PDE7B: variants seen among roughly 807,000 people sequenced by gnomAD.
The protein encoded by PDE7B is phosphodiesterase 7B.
PDE7B carries 29 observed loss-of-function variants against 56.2 expected under a neutral mutation model. That is an observed-to-expected ratio of 0.52 (90% CI 0.38 to 0.70). The LOEUF is 0.70. PDE7B is among the 30% of genes least tolerant of loss of function. The pLI, the probability that PDE7B is intolerant of heterozygous loss-of-function variation, is 0.00. For synonymous variants in PDE7B, 197 were observed against 196.9 expected, an observed-to-expected ratio of 1.00 and a Z score of 0.00; for missense variants, 490 against 565.0, an observed-to-expected ratio of 0.87 and a Z score of 1.35.
At chr6:135,893,806 G>A (rs1327202625) in intron 1 of PDE7B, among the ~76,000 whole-genome samples, 4 of 152,120 alleles carry the variant, frequency 2.6e-5, no homozygotes, top group Admixed American at 2.6e-4. Flanking sequence ...AATTAATAAT[G>A]ACAATATCTT....
Position 136,081,951 on chromosome 6 carries a change from C to T in PDE7B, c.83-26780C>T, listed in dbSNP as rs142656686. 2.3e-4 allele frequency among the ~76,000 whole-genome samples: 35 copies of T among 152,330 alleles called. 1 individual carries two copies. The highest frequency in any genetic ancestry group is 7.2e-4 in the African/African-American group (30 of 41,568). Reference sequence around the variant, plus strand: ...ACTTGGAGAGGTGGTCAAACTACAGCTTCCTGAGCCCTGTCCCCAAAGTTC... The same window carrying T: ...ACTTGGAGAGGTGGTCAAACTACAGTTTCCTGAGCCCTGTCCCCAAAGTTC... On this transcript the variant is annotated intron_variant, in intron 2 of 12. Coordinates refer to ENST00000308191, the MANE Select transcript of PDE7B (RefSeq NM_018945.4).
chr6:135,913,285 A>C (rs1333796320), intron 1 of PDE7B, among the ~76,000 whole-genome samples: 2 of 152,178 alleles, frequency 1.3e-5, no homozygotes, highest in African/African-American at 4.8e-5. Context: ...TCTGGATTTT[A>C]ACTCAGGCCA....
chr6:135,951,843 A>G (rs998780348), intron 2 of PDE7B, among the ~76,000 whole-genome samples: 3 of 152,134 alleles, frequency 2.0e-5, no homozygotes, highest in African/African-American at 7.2e-5. Flanking sequence ...TACCTGCCAT[A>G]ACTTAGAAGG....
chr6:136,112,386 TTTG>T (rs955893367), intron 3 of PDE7B: 5 of 152,158 alleles, frequency 3.3e-5, no homozygotes, highest in African/African-American at 1.2e-4. Flanking sequence ...GCTATGCCCA[TTTG>T]TTTATATGAC....
intron 9 of PDE7B, among the ~76,000 whole-genome samples, chr6:136,174,534 G>T (rs1177553029): frequency 1.3e-5 from 2 of 152,126 alleles, no homozygotes; most frequent in Admixed American, 1.3e-4. Flanking sequence ...CCCCAAGTTA[G>T]CTGCTAATAC....
intron 2 of PDE7B, among the ~76,000 whole-genome samples, chr6:136,026,930 T>C (rs1349802873): frequency 6.6e-6 from 1 of 152,226 alleles, no homozygotes; most frequent in Non-Finnish European, 1.5e-5. Context: ...TAACTCCCAA[T>C]GTGATGGTAT....
At chr6:135,855,326 C>T (rs1775005650) in intron 1 of PDE7B, among the ~76,000 whole-genome samples, 1 of 152,070 alleles carries the variant, frequency 6.6e-6, no homozygotes, top group Non-Finnish European at 1.5e-5. Flanking sequence ...ATGATTCCCA[C>T]ATTAGGAAAC....
intron 2 of PDE7B, among the ~76,000 whole-genome samples, chr6:136,105,750 A>G (rs1777635883): frequency 6.6e-6 from 1 of 152,210 alleles, no homozygotes; most frequent in African/African-American, 2.4e-5. Flanking sequence ...CTGTCAGTAC[A>G]GGAGCCCCCA....
At chr6:136,191,110 CTAAGCATTGTACATACAT>C (rs1779217438) in intron 12 of PDE7B, among the ~76,000 whole-genome samples, 1 of 141,522 alleles carries the variant, frequency 7.1e-6, no homozygotes, top group African/African-American at 2.7e-5. Flanking sequence ...CAAGAGTTTT[CTAAGCATTGTACATACAT>C]TAAGTCATTT....
chr6:135,952,011 T>G (rs1159165556), intron 2 of PDE7B, among the ~76,000 whole-genome samples: 1 of 152,118 alleles, frequency 6.6e-6, no homozygotes, highest in Non-Finnish European at 1.5e-5. Flanking sequence ...TCTGAAAAAA[T>G]TAACTGTGTA....
chr6:136,151,618 A>G (rs771712267), intron 6 of PDE7B, among the ~76,000 whole-genome samples: 5 of 152,186 alleles, frequency 3.3e-5, no homozygotes, highest in Non-Finnish European at 7.3e-5. Flanking sequence ...TGTTCTTTGT[A>G]TTATGTATTG....
chr6:136,111,223 C>T (rs968343863), intron 3 of PDE7B: 1 of 152,154 alleles, frequency 6.6e-6, no homozygotes, highest in Non-Finnish European at 1.5e-5. Flanking sequence ...TAAAGACAGT[C>T]TTCTCTTTAT....
At chr6:135,942,832 CT>C (rs35344133) in intron 1 of PDE7B, among the ~76,000 whole-genome samples, 1 of 151,888 alleles carries the variant, frequency 6.6e-6, no homozygotes, top group Non-Finnish European at 1.5e-5. Flanking sequence ...GGATTTCCTT[CT>C]TTTTTCAAGA....
At chr6:136,053,261 A>C (rs1334770792) in intron 2 of PDE7B, among the ~76,000 whole-genome samples, 1 of 123,878 alleles carries the variant, frequency 8.1e-6, no homozygotes, top group Non-Finnish European at 1.6e-5. Context: ...TCCTGTGTCC[A>C]TGTGTTCTTA....
intron 2 of PDE7B, among the ~76,000 whole-genome samples, chr6:135,962,642 G>C (rs1774923080): frequency 6.6e-6 from 1 of 152,114 alleles, no homozygotes. Flanking sequence ...CATCTCCCAA[G>C]TATAAAGGTT....
At chr6:135,904,871 C>T (rs1054552317) in intron 1 of PDE7B, among the ~76,000 whole-genome samples, 1 of 152,186 alleles carries the variant, frequency 6.6e-6, no homozygotes, top group African/African-American at 2.4e-5. Flanking sequence ...CATTTACCTT[C>T]TGCAGAAGTA....
intron 2 of PDE7B, among the ~76,000 whole-genome samples, chr6:136,066,034 CTTTT>C (rs1282669378): frequency 7.7e-6 from 1 of 129,288 alleles, no homozygotes; most frequent in Non-Finnish European, 1.7e-5. Context: ...TCCATAAAGG[CTTTT>C]TTTGTTTGTT....
chr6:135,871,037 G>C lies in PDE7B; in HGVS notation c.21+19018G>C, dbSNP rs1775369661. ...CTTTAGACATTCTTACTGGTAAGGG[G>C]CTGAGGCTTCCAGTTTGGACCCTGA... On this transcript the variant is annotated intron_variant, in intron 1 of 12. Transcript: ENST00000308191. Among the ~76,000 whole-genome samples, 5 of 152,160 alleles carry C rather than the reference G, an allele frequency of 3.3e-5. No individual in the cohort carries two copies. The South Asian group carries it at 1.0e-3, about 32-fold the overall frequency.
chr6:136,161,085 G>A (rs937322368), intron 8 of PDE7B, among the ~76,000 whole-genome samples: 5 of 151,934 alleles, frequency 3.3e-5, no homozygotes, highest in African/African-American at 4.8e-5. Context: ...AGTATTCCAT[G>A]GTATATTTTA....
Sources: allele counts gnomAD v4.1 joint callset (sites outside exome capture counted in the v4.1 genomes callset), GRCh38; gene constraint gnomAD v4.1.1; transcripts MANE v1.5; gene names NCBI Gene and HGNC (gene_info 2026-07-23, HGNC 2026-07-21).